Variants in SLC24A2 observed in about 807,000 individuals in gnomAD.
The protein encoded by SLC24A2 is solute carrier family 24 member 2.
SLC24A2 carries 36 observed loss-of-function variants against 62.0 expected under a neutral mutation model. The ratio of observed to expected loss-of-function variants is 0.58; its 90% CI spans 0.44 to 0.77. The LOEUF is 0.77. Ranked by LOEUF, SLC24A2 falls within the 30% of genes least tolerant of loss-of-function variation. The pLI, the probability that SLC24A2 is intolerant of heterozygous loss-of-function variation, is 0.00. For synonymous variants in SLC24A2, 358 were observed against 294.0 expected (o/e 1.22, Z -2.23); for missense variants, 846 against 817.9 (o/e 1.03, Z -0.42).
chr9:19,845,435 T>G, the SLC24A2 span, among the ~76,000 whole-genome samples: 7 of 152,324 alleles, frequency 4.6e-5, no homozygotes, highest in African/African-American at 1.7e-4. Context: ...TAGGGTTCTT[T>G]AGGTGTAGAA....
At chr9:20,258,767 T>C in the SLC24A2 span, among the ~76,000 whole-genome samples, 1 of 92,290 alleles carries the variant, frequency 1.1e-5, no homozygotes. Context: ...CTCTCATTTA[T>C]CTATCTATCT....
chr9:20,015,756 C>G, the SLC24A2 span, among the ~76,000 whole-genome samples: 1 of 152,242 alleles, frequency 6.6e-6, no homozygotes, highest in African/African-American at 2.4e-5. Context: ...GAGCTAACCT[C>G]TCAATAGTTC....
intron 2 of SLC24A2, among the ~76,000 whole-genome samples, chr9:19,760,211 C>T (rs1156672830): frequency 1.3e-5 from 2 of 152,010 alleles, no homozygotes; most frequent in South Asian, 4.2e-4. Context: ...AAAATGTGGG[C>T]ACTTGTCAGG....
At chr9:19,585,706 C>G (rs902139597) in intron 5 of SLC24A2, among the ~76,000 whole-genome samples, 1 of 152,152 alleles carries the variant, frequency 6.6e-6, no homozygotes, top group Non-Finnish European at 1.5e-5. Context: ...ATAGAAGTAA[C>G]TAACATGTTT....
chr9:19,837,271 T>C, the SLC24A2 span, among the ~76,000 whole-genome samples: 1 of 149,548 alleles, frequency 6.7e-6, no homozygotes, highest in African/African-American at 2.5e-5. Flanking sequence ...GCTAACAAGG[T>C]GAAACCCCGT....
the SLC24A2 span, among the ~76,000 whole-genome samples, chr9:20,159,280 C>A: frequency 6.6e-6 from 1 of 151,596 alleles, no homozygotes; most frequent in African/African-American, 2.4e-5. Context: ...CTCTTAGGAG[C>A]CTTTTCAGAC....
the SLC24A2 span, among the ~76,000 whole-genome samples, chr9:20,283,809 G>A: frequency 1.3e-5 from 2 of 151,196 alleles, no homozygotes; most frequent in Non-Finnish European, 2.9e-5. Context: ...TCTTTCCCAC[G>A]AAAGGTGTAG....
At chr9:20,234,620 C>A in the SLC24A2 span, among the ~76,000 whole-genome samples, 1 of 152,172 alleles carries the variant, frequency 6.6e-6, no homozygotes, top group African/African-American at 2.4e-5. Flanking sequence ...TTCTAGTTAT[C>A]CATTAATCTA....
At chr9:19,647,804 G>T (rs1050819549) in intron 2 of SLC24A2, among the ~76,000 whole-genome samples, 2 of 152,164 alleles carry the variant, frequency 1.3e-5, no homozygotes, top group African/African-American at 4.8e-5. Flanking sequence ...ATTAGTAGAT[G>T]AAAAAATACT....
At chr9:19,898,807 G>T in the SLC24A2 span, among the ~76,000 whole-genome samples, 2 of 150,808 alleles carry the variant, frequency 1.3e-5, no homozygotes, top group African/African-American at 4.9e-5. Context: ...CAAAACAGGT[G>T]ACCAATTATT....
At chr9:20,077,967 A>AGGTGGGCCCTAAATCCAATGATAATTGTC in the SLC24A2 span, among the ~76,000 whole-genome samples, 1 of 152,204 alleles carries the variant, frequency 6.6e-6, no homozygotes. Flanking sequence ...GTTAGGCTCC[A>AGGTGGGCCCTAAATCCAATGATAATTGTC]CTAAAGAGAA....
chr9:20,149,034 T>G, the SLC24A2 span, among the ~76,000 whole-genome samples: 22 of 152,094 alleles, frequency 1.4e-4, no homozygotes, highest in Non-Finnish European at 2.6e-4. Context: ...CTTTTTAATG[T>G]ATGTATGAAT....
intron 10 of SLC24A2, among the ~76,000 whole-genome samples, chr9:19,518,308 C>G (rs1461262066): frequency 3.9e-5 from 6 of 152,098 alleles, no homozygotes; most frequent in Non-Finnish European, 8.8e-5. Context: ...AAGATGCATA[C>G]ATACACACAA....
At chr9:19,517,790 A>AGGG (rs535722996) in intron 10 of SLC24A2, among the ~76,000 whole-genome samples, 1 of 151,962 alleles carries the variant, frequency 6.6e-6, no homozygotes, top group African/African-American at 2.4e-5. Context: ...AGAAAATGGA[A>AGGG]GGGGAGTGCC....
the SLC24A2 span, among the ~76,000 whole-genome samples, chr9:20,201,622 C>T: frequency 6.6e-6 from 1 of 152,186 alleles, no homozygotes; most frequent in African/African-American, 2.4e-5. Context: ...GTCTGATTTA[C>T]TTATTTAATG....
At position 19,632,725 on chromosome 9, in the gene SLC24A2, A is replaced by G. The variant is rs1427176429; in HGVS notation, c.931-10426T>C. 1.3e-5 allele frequency among the ~76,000 whole-genome samples: 2 copies of G among 152,200 alleles called. No homozygotes were observed. Among genetic ancestry groups the G allele is most frequent in the Non-Finnish European group, 2.9e-5 (2 of 68,032 alleles). The stretch of plus-strand genomic sequence containing the variant: ...TGCGCCCTTTACCCAACCTCCTCCA[A>G]TGATAACATCTTGCACAACTATAGT... On this transcript the variant is annotated intron_variant, in intron 2 of 10. Coordinates refer to ENST00000341998, the MANE Select transcript of SLC24A2 (RefSeq NM_020344.4). The surrounding 1 kb of genome is among the most constrained non-coding windows in gnomAD (Gnocchi z 4.5).
the SLC24A2 span, among the ~76,000 whole-genome samples, chr9:20,127,143 C>A: frequency 6.6e-6 from 1 of 151,788 alleles, no homozygotes; most frequent in South Asian, 2.1e-4. Flanking sequence ...TCTGTTGTAT[C>A]CAGACACATT....
chr9:20,289,621 G>A, the SLC24A2 span, among the ~76,000 whole-genome samples: 6 of 152,166 alleles, frequency 3.9e-5, no homozygotes, highest in Non-Finnish European at 8.8e-5. Flanking sequence ...TGAAGACAAA[G>A]TCAGGCCCAG....
chr9:19,921,962 A>G, the SLC24A2 span, among the ~76,000 whole-genome samples: 1 of 152,230 alleles, frequency 6.6e-6, no homozygotes, highest in East Asian at 1.9e-4. Flanking sequence ...AAGCAGAAAT[A>G]TAAGAAATGA....
Sources: allele counts gnomAD v4.1 joint callset (sites outside exome capture counted in the v4.1 genomes callset), GRCh38; gene constraint gnomAD v4.1.1; non-coding constraint Gnocchi (gnomAD v3.1); transcripts MANE v1.5; gene names NCBI Gene and HGNC (gene_info 2026-07-23, HGNC 2026-07-21).